Variants in PUS1 observed in about 807,000 individuals in gnomAD.
PUS1 encodes pseudouridine synthase 1, also known as pseudouridylate synthase 1 homolog.
Under a neutral mutation model 38.5 loss-of-function variants are expected in PUS1, and 25 were observed. The ratio of observed to expected loss-of-function variants is 0.65; its 90% CI spans 0.47 to 0.91. PUS1 has a LOEUF of 0.91. PUS1 is among the 40% of genes least tolerant of loss of function. The probability of loss-of-function intolerance (pLI) is 0.00; values close to 1 mark genes in which losing one functional copy is unlikely to be tolerated. For synonymous variants in PUS1, 282 were observed against 260.4 expected (o/e 1.08, Z -0.80); for missense variants, 597 against 612.3 (o/e 0.97, Z 0.26).
chr12:131,942,039 T>C (rs1891102271), intron 5 of PUS1, 56 bp downstream of exon 5: 1 of 1,471,292 alleles, frequency 6.8e-7, no homozygotes, highest in African/African-American at 1.4e-5. Flanking sequence ...TTGTTCCCAT[T>C]GTACAGAGGA....
chr12:131,932,213 T>G lies in PUS1; in HGVS notation c.342T>G (p.Asp114Glu), dbSNP rs750814179. The G allele has an allele frequency of 6.2e-7, 1 of 1,614,144 alleles. No individual in the cohort carries two copies. Among genetic ancestry groups the G allele is most frequent in the South Asian group, 1.1e-5 (1 of 91,076 alleles). Residue 114 changes from aspartate (D) to glutamate (E), a missense_variant, in exon 3 of 6, where the codon GAT becomes GAG. Transcript: ENST00000376649. ...VGSSQFKTIE[D>E]DLVSALVRSG... ...CCTCACAATTCAAAACAATTGAAGA[T>G]GACTTGGTGTCCGCCCTCGTCCGGT...
At chr12:131,939,832 G>T (rs1890989212) in intron 4 of PUS1, among the ~76,000 whole-genome samples, 1 of 152,042 alleles carries the variant, frequency 6.6e-6, no homozygotes. Context: ...GTAGAGATGG[G>T]GTCTCATTGT....
In PUS1 at chr12:131,944,041, G is replaced by C. The variant is rs1891199051; in HGVS notation, c.*455G>C. 1 of 217,752 alleles carries C rather than the reference G, an allele frequency of 4.6e-6. No homozygotes were observed. The highest frequency in any genetic ancestry group is 9.4e-6 in the Non-Finnish European group (1 of 106,698). The allele number at this position is 217,752 out of a possible 1,614,324, so 13.5% of individuals were successfully genotyped here. ...GTGGGCAGATCGCTTGAGTACAGGAGTTCCAGACCAGCCTGGGTAAAATGG... is the reference window on the plus strand; with the variant it reads ...GTGGGCAGATCGCTTGAGTACAGGACTTCCAGACCAGCCTGGGTAAAATGG... On this transcript the variant is annotated 3_prime_UTR_variant, in exon 6 of 6. Transcript: ENST00000376649.
In PUS1 at chr12:131,936,636, C is replaced by T. The variant is rs1302935139; in HGVS notation, c.442-2537C>T. The stretch of plus-strand genomic sequence containing the variant: ...GGGTGTGGTGGCTCACGCCTGTAAT[C>T]CCAACACTTTGGGAGGCCAAAGTGG... On this transcript the variant is annotated intron_variant, in intron 3 of 5. Transcript: ENST00000376649. 2.6e-5 allele frequency among the ~76,000 whole-genome samples: 4 copies of T among 152,226 alleles called. No homozygotes were observed. The East Asian group carries it at 7.7e-4, about 29-fold the overall frequency.
chr12:131,935,504 C>T (rs1035174016), intron 3 of PUS1, among the ~76,000 whole-genome samples: 1 of 152,182 alleles, frequency 6.6e-6, no homozygotes, highest in African/African-American at 2.4e-5. Flanking sequence ...CAGATGAAAA[C>T]ACAGTAACAG....
chr12:131,935,961 A>ATG (rs1890809148), intron 3 of PUS1, among the ~76,000 whole-genome samples: 2 of 152,170 alleles, frequency 1.3e-5, no homozygotes, highest in African/African-American at 4.8e-5. Context: ...CTGTAATTCC[A>ATG]GCACTTTGGG....
At chr12:131,939,691 G>A (rs1484728075) in intron 4 of PUS1, among the ~76,000 whole-genome samples, 1 of 152,134 alleles carries the variant, frequency 6.6e-6, no homozygotes, top group Non-Finnish European at 1.5e-5. Context: ...GTCTCGCTCT[G>A]TCACCCAGGC....
intron 3 of PUS1, among the ~76,000 whole-genome samples, chr12:131,937,343 A>G (rs1347039565): frequency 6.6e-6 from 1 of 152,120 alleles, no homozygotes; most frequent in African/African-American, 2.4e-5. Flanking sequence ...TTACCATATT[A>G]TCATAGTTGT....
rs111777451 is a variant in PUS1, at chr12:131,932,306, A to T, written c.435A>T (p.Thr145=). 5.0e-6 allele frequency: 8 copies of T among 1,613,500 alleles called. No homozygotes were observed. Among genetic ancestry groups the T allele is most frequent in the Middle Eastern group, 1.8e-4 (1 of 5,468 alleles). The change falls in exon 3 of 6, where the codon ACA becomes ACT. Residue 145 remains threonine, a synonymous_variant. Coordinates refer to ENST00000376649, the MANE Select transcript of PUS1 (RefSeq NM_025215.6). ...RKMSFQRCAR[T]DKGVSAAGQV... Reference sequence around the variant, plus strand: ...TGTCCTTCCAGCGCTGCGCCCGGACAGACAAGGTGGGTGGTGGCCTTCTCT... The same window carrying T: ...TGTCCTTCCAGCGCTGCGCCCGGACTGACAAGGTGGGTGGTGGCCTTCTCT...
intron 3 of PUS1, among the ~76,000 whole-genome samples, chr12:131,933,862 A>G (rs1566142543): frequency 6.6e-6 from 1 of 152,210 alleles, no homozygotes; most frequent in Non-Finnish European, 1.5e-5. Context: ...GGGGACCACT[A>G]CCACCAATGG....
At chr12:131,935,810 G>C (rs960195977) in intron 3 of PUS1, among the ~76,000 whole-genome samples, 2 of 152,148 alleles carry the variant, frequency 1.3e-5, no homozygotes, top group African/African-American at 4.8e-5. Context: ...TGGGATTACA[G>C]GTGTGAGCCC....
intron 1 of PUS1, 46 bp from the exon 2 acceptor site, chr12:131,929,861 C>T: frequency 2.0e-6 from 3 of 1,472,068 alleles, no homozygotes; most frequent in South Asian, 2.6e-5. Context: ...CAGTCCACCC[C>T]GCGCGGTGCC....
At chr12:131,937,119 C>A (rs150127468) in intron 3 of PUS1, among the ~76,000 whole-genome samples, 4 of 152,212 alleles carry the variant, frequency 2.6e-5, no homozygotes, top group Non-Finnish European at 5.9e-5. Context: ...TGTTTCAGAA[C>A]ATCTCGTTTC....
Position 131,939,003 on chromosome 12 carries a change from A to G in PUS1, c.442-170A>G, listed in dbSNP as rs150042743. Among the ~76,000 whole-genome samples the G allele has an allele frequency of 8.9e-4, 135 of 152,276 alleles. 2 individuals are homozygous for G. The East Asian group carries it at 0.024, about 27-fold the overall frequency. ...TGATCCACCCGCCTCGGCCTCCCAA[A>G]GTACTGGGATTACAGGCGTGAGCCA... On this transcript the variant is annotated intron_variant, in intron 3 of 5. Transcript: ENST00000376649.
rs191843237 is a variant in PUS1, at chr12:131,943,786, C to T, written c.*200C>T. ...TCAGCTCTTGCATTGCATAGATGAA[C>T]CTCAGCATGTAAAGAACTATTTTTT... On this transcript the variant is annotated 3_prime_UTR_variant, in exon 6 of 6. Coordinates refer to ENST00000376649, the MANE Select transcript of PUS1 (RefSeq NM_025215.6). 1 of 581,350 alleles carries T rather than the reference C, an allele frequency of 1.7e-6. No homozygotes were observed. Among genetic ancestry groups the T allele is most frequent in the Admixed American group, 3.0e-5 (1 of 33,736 alleles). 36.0% of individuals were successfully genotyped at this position (581,350 alleles called of 1,614,324 possible).
rs1365046848 is a variant in PUS1, at chr12:131,929,346, G to C, written c.-377G>C. On this transcript the variant is annotated 5_prime_UTR_variant, in exon 1 of 6. Transcript: ENST00000376649. The stretch of plus-strand genomic sequence containing the variant: ...CGACGCGGGTGGCCCGGGTCTCCTC[G>C]ACTCCTGAGGAAAGCCCACCGGGCG... 1 of 237,988 alleles carries C rather than the reference G, an allele frequency of 4.2e-6. No individual in the cohort carries two copies. Among genetic ancestry groups the C allele is most frequent in the Non-Finnish European group, 8.1e-6 (1 of 123,534 alleles). The allele number at this position is 237,988 out of a possible 1,614,324, so 14.7% of individuals were successfully genotyped here.
chr12:131,939,166 T>C lies in PUS1; in HGVS notation c.442-7T>C, dbSNP rs2136440657. ...ACCTTCCGTCACCCGTTCTGCTTTG[T>C]TTACAGGGTGTGTCCGCAGCCGGCC... is the stretch of plus-strand genomic sequence containing the variant. On this transcript the variant is annotated splice_region_variant and splice_polypyrimidine_tract_variant and intron_variant, in intron 3 of 5. Coordinates refer to ENST00000376649, the MANE Select transcript of PUS1 (RefSeq NM_025215.6). 5 of 1,551,088 alleles carry C rather than the reference T, an allele frequency of 3.2e-6. No homozygotes were observed. Among genetic ancestry groups the C allele is most frequent in the Non-Finnish European group, 4.4e-6 (5 of 1,145,458 alleles).
intron 3 of PUS1, among the ~76,000 whole-genome samples, chr12:131,938,787 T>G (rs548136796): frequency 6.6e-6 from 1 of 150,500 alleles, no homozygotes; most frequent in Non-Finnish European, 1.5e-5. Context: ...AGTGGCACGA[T>G]CTCAGCTCAC....
chr12:131,931,198 G>A (rs532737218), intron 2 of PUS1, among the ~76,000 whole-genome samples: 2 of 152,034 alleles, frequency 1.3e-5, no homozygotes, highest in African/African-American at 4.8e-5. Flanking sequence ...TTGCTCTGTC[G>A]CCCAGGCTGG....
Sources: allele counts gnomAD v4.1 joint callset (sites outside exome capture counted in the v4.1 genomes callset), GRCh38; gene constraint gnomAD v4.1.1; transcripts MANE v1.5; gene names NCBI Gene and HGNC (gene_info 2026-07-23, HGNC 2026-07-21).